ENPP1: variants seen among roughly 807,000 people sequenced by gnomAD.
ENPP1 encodes the protein ectonucleotide pyrophosphatase/phosphodiesterase 1.
In ENPP1, 73 loss-of-function variants were observed where a neutral mutation model predicts 122.8. The ratio of observed to expected loss-of-function variants is 0.59; its 90% confidence interval spans 0.49 to 0.72. ENPP1 has a LOEUF of 0.72. Among genes scored for constraint, ENPP1 ranks in the 30% least tolerant of loss-of-function variants. The pLI, the probability that ENPP1 is intolerant of heterozygous loss-of-function variation, is 0.00. For missense variants in ENPP1, 978 were observed against 1,128.1 expected (o/e 0.87, Z 1.91); for synonymous variants, 367 against 391.6 (o/e 0.94, Z 0.74).
intron 2 of ENPP1, among the ~76,000 whole-genome samples, chr6:131,849,709 A>G (rs943523281): frequency 1.3e-5 from 2 of 152,204 alleles, no homozygotes; most frequent in Non-Finnish European, 2.9e-5. Flanking sequence ...TTTAAGTCTT[A>G]TCAGACCCAG....
rs945595427 is a variant in ENPP1 at position 131,851,243 on chromosome 6, A to G, written c.532A>G (p.Ile178Val). 3.7e-6 allele frequency: 6 copies of G among 1,614,166 alleles called. No homozygotes were observed. The highest frequency in any genetic ancestry group is 4.2e-6 in the Non-Finnish European group (5 of 1,179,990). Reference protein sequence around the residue: ...DDCKDKGDCCINYSSVCQGEK... With the variant: ...DDCKDKGDCCVNYSSVCQGEK... ...CTGCAAGGACAAGGGCGACTGCTGC[A>G]TCAACTACAGTTCTGTGTGTCAAGG... The change falls in exon 4 of 25, where the codon ATC (isoleucine) becomes GTC (valine). Residue 178 changes from isoleucine (I) to valine (V), a missense_variant. Physicochemically the swap from Ile to Val is conservative, Grantham distance 29. Coordinates refer to ENST00000647893, the MANE Select transcript of ENPP1 (RefSeq NM_006208.3).
intron 1 of ENPP1, chr6:131,827,670 C>T: frequency 1.6e-6 from 1 of 643,646 alleles, no homozygotes; most frequent in Non-Finnish European, 2.9e-6. Context: ...TGTCCTTCTG[C>T]TCTACGTGCA....
chr6:131,859,879 G>T (rs762771969), intron 7 of ENPP1, among the ~76,000 whole-genome samples: 67 of 152,298 alleles, frequency 4.4e-4, no homozygotes, highest in Admixed American at 7.8e-4. Context: ...AGGGAGTGAG[G>T]CCCTCAGCAA....
intron 1 of ENPP1, among the ~76,000 whole-genome samples, chr6:131,809,377 A>C (rs1196622388): frequency 2.0e-5 from 3 of 152,114 alleles, no homozygotes; most frequent in Non-Finnish European, 4.4e-5. Flanking sequence ...AGATGCTATA[A>C]TACTTTGAGG....
intron 3 of ENPP1, 37 bp from the exon 4 acceptor site, chr6:131,851,105 G>A: frequency 6.2e-7 from 1 of 1,611,878 alleles, no homozygotes; most frequent in East Asian, 2.2e-5. Context: ...TGTTGAATTT[G>A]AGACATAAAA....
At position 131,885,064 on chromosome 6, in the gene ENPP1, G is replaced by A; in HGVS notation, c.2444+1G>A. 1 of 1,613,772 alleles carries A rather than the reference G, an allele frequency of 6.2e-7. No individual in the cohort carries two copies. Among genetic ancestry groups the A allele is most frequent in the Non-Finnish European group, 8.5e-7 (1 of 1,179,748 alleles). On this transcript the variant is annotated splice_donor_variant, in intron 23 of 24. Coordinates refer to ENST00000647893, the MANE Select transcript of ENPP1 (RefSeq NM_006208.3). LOFTEE classifies it high-confidence loss of function. Reference sequence around the variant, plus strand: ...GTGATTCCTTAGAGAATCTGAGGCAGTAAGAACATATTTCATTACTCTTAA... The same window carrying A: ...GTGATTCCTTAGAGAATCTGAGGCAATAAGAACATATTTCATTACTCTTAA...
At chr6:131,863,841 G>A (rs1782054159) in intron 9 of ENPP1, among the ~76,000 whole-genome samples, 2 of 151,962 alleles carry the variant, frequency 1.3e-5, no homozygotes, top group African/African-American at 2.4e-5. Flanking sequence ...GTTTGAACCC[G>A]GGAGGTGGAG....
At chr6:131,845,468 T>TTA (rs1781797216) in intron 1 of ENPP1, among the ~76,000 whole-genome samples, 2 of 133,882 alleles carry the variant, frequency 1.5e-5, no homozygotes, top group Admixed American at 7.4e-5. Context: ...TTTTTTTTTT[T>TTA]AATTTTTTTT....
At chr6:131,808,499 A>C (rs1436223405) in intron 1 of ENPP1, among the ~76,000 whole-genome samples, 1 of 152,218 alleles carries the variant, frequency 6.6e-6, no homozygotes, top group Non-Finnish European at 1.5e-5. Flanking sequence ...TCTCACTTGA[A>C]TTATGGATGC....
At chr6:131,852,390 T>G (rs1212000209) in intron 5 of ENPP1, among the ~76,000 whole-genome samples, 155 bp downstream of exon 5, 2 of 152,186 alleles carry the variant, frequency 1.3e-5, no homozygotes, top group African/African-American at 4.8e-5. Flanking sequence ...GTATGAGAAC[T>G]GTTTTGGATT....
chr6:131,826,243 A>G (rs1781544541), intron 1 of ENPP1: 1 of 976,370 alleles, frequency 1.0e-6, no homozygotes, highest in Non-Finnish European at 1.7e-6. Flanking sequence ...CCCATCTGGT[A>G]GCATCTCACT....
At chr6:131,859,504 G>C (rs1418399390) in intron 7 of ENPP1, among the ~76,000 whole-genome samples, 1 of 151,732 alleles carries the variant, frequency 6.6e-6, no homozygotes, top group Non-Finnish European at 1.5e-5. Context: ...TCCTGCCTCA[G>C]CCTCCCAAGT....
rs186549293 is a variant in ENPP1 at position 131,865,981 on chromosome 6, C to A, written c.1164+1043C>A. Among the ~76,000 whole-genome samples, 324 of 143,860 alleles carry A rather than the reference C, an allele frequency of 2.3e-3. 1 individual carries two copies. Among genetic ancestry groups the A allele is most frequent in the African/African-American group, 8.7e-3 (312 of 36,006 alleles). The allele number at this position is 143,860 out of a possible 152,430, so 94.4% of individuals were successfully genotyped here. On this transcript the variant is annotated intron_variant, in intron 11 of 24. Coordinates refer to ENST00000647893, the MANE Select transcript of ENPP1 (RefSeq NM_006208.3). The stretch of plus-strand genomic sequence containing the variant: ...ACTGTACTCCAGCCTGGGCACAGAG[C>A]GGGACTCTGTCTCAAAAAAAAAAAA...
At chr6:131,857,376 A>G (rs1337659400) in intron 6 of ENPP1, among the ~76,000 whole-genome samples, 1 of 149,350 alleles carries the variant, frequency 6.7e-6, no homozygotes, top group Admixed American at 6.6e-5. Context: ...CACTATTCAC[A>G]ATAGCAAAGA....
intron 19 of ENPP1, 24 bp downstream of exon 19, chr6:131,878,617 C>T: frequency 1.3e-6 from 2 of 1,583,062 alleles, no homozygotes; most frequent in African/African-American, 1.3e-5. Flanking sequence ...CACACTCAAG[C>T]TCGGAATGTG....
At chr6:131,854,611 T>G (rs1036937845) in intron 5 of ENPP1, among the ~76,000 whole-genome samples, 3 of 152,118 alleles carry the variant, frequency 2.0e-5, no homozygotes. Context: ...TTAGTAGCAA[T>G]TGGTGTAGCT....
rs1311521978 is a variant in ENPP1 at position 131,886,740 on chromosome 6, A to G, written c.2607+16A>G. On this transcript the variant is annotated intron_variant, in intron 24 of 24. Coordinates refer to ENST00000647893, the MANE Select transcript of ENPP1 (RefSeq NM_006208.3). ...GAGCTGTGTGGTAAGTAGCTTTTGT[A>G]TATTTACTTTGCATGTTGAAAATCT... The G allele has an allele frequency of 1.1e-5, 18 of 1,607,196 alleles. No individual in the cohort carries two copies. Among genetic ancestry groups the G allele is most frequent in the Admixed American group, 1.7e-5 (1 of 59,176 alleles).
At chr6:131,817,965 G>A (rs1214108658) in intron 1 of ENPP1, among the ~76,000 whole-genome samples, 1 of 150,732 alleles carries the variant, frequency 6.6e-6, no homozygotes, top group Non-Finnish European at 1.5e-5. Flanking sequence ...TCCTATAACA[G>A]GTGTGATTTG....
chr6:131,854,775 G>A, intron 5 of ENPP1, 151 bp from the exon 6 acceptor site: 1 of 666,546 alleles, frequency 1.5e-6, no homozygotes, highest in Non-Finnish European at 2.7e-6. Context: ...TTATAAGTAT[G>A]CTTGCCGACT....
Sources: gnomAD v4.1 joint callset for allele counts (sites outside exome capture counted in the v4.1 genomes callset) on GRCh38, gnomAD v4.1.1 for gene constraint, MANE v1.5 for transcripts, NCBI Gene and HGNC (gene_info 2026-07-23, HGNC 2026-07-21) for gene names.